AHI1: variants seen among roughly 807,000 people sequenced by gnomAD.
AHI1 encodes jouberin.
Under a neutral mutation model 149.3 loss-of-function variants are expected in AHI1, and 123 were observed. The ratio of observed to expected loss-of-function variants is 0.82; its 90% CI spans 0.71 to 0.96. The LOEUF (loss-of-function observed/expected upper bound fraction) is 0.96. Among genes scored for constraint, AHI1 ranks in the 40% least tolerant of loss-of-function variants. The probability of loss-of-function intolerance (pLI) is 0.00; values close to 1 mark genes in which losing one functional copy is unlikely to be tolerated. For synonymous variants in AHI1, 475 were observed against 459.8 expected (o/e 1.03, Z -0.42); for missense variants, 1,439 against 1,422.7 (o/e 1.01, Z -0.18).
intron 24 of AHI1, among the ~76,000 whole-genome samples, chr6:135,355,688 C>G (rs931733511): frequency 3.9e-5 from 6 of 152,040 alleles, no homozygotes; most frequent in Admixed American, 6.5e-5. Context: ...ATCACGAGGT[C>G]AGGAGTTTGA....
chr6:135,344,572 C>T (rs553349334), intron 24 of AHI1, among the ~76,000 whole-genome samples: 1 of 151,934 alleles, frequency 6.6e-6, no homozygotes, highest in African/African-American at 2.4e-5. Flanking sequence ...AGCTATGTGA[C>T]CATATTTTCC....
intron 26 of AHI1, among the ~76,000 whole-genome samples, chr6:135,303,943 T>C (rs1388985784): frequency 1.3e-5 from 2 of 152,234 alleles, no homozygotes; most frequent in African/African-American, 2.4e-5. Flanking sequence ...GCTACAACTC[T>C]GTTTCCGGGA....
At chr6:135,291,144 GA>G (rs199915453) in intron 27 of AHI1, among the ~76,000 whole-genome samples, 8 of 149,420 alleles carry the variant, frequency 5.4e-5, no homozygotes, top group African/African-American at 1.2e-4. Context: ...CAAAAACAAT[GA>G]AAAAAAAAGG....
At chr6:135,396,930 T>A (rs2746438) in intron 22 of AHI1, among the ~76,000 whole-genome samples, 101,665 of 151,530 alleles carry the variant, frequency 0.67, 35,554 homozygotes, top group African/African-American at 0.88. Flanking sequence ...AAAAAATACC[T>A]GGAAAGTTAA....
chr6:135,347,641 TA>T (rs1053616106), intron 24 of AHI1, among the ~76,000 whole-genome samples: 2 of 152,212 alleles, frequency 1.3e-5, no homozygotes, highest in East Asian at 3.8e-4. Flanking sequence ...AGGTGCCCAA[TA>T]AATGTTAGGT....
Position 135,442,614 on chromosome 6 carries a change from G to A in AHI1, c.1880C>T (p.Ala627Val). ...FSHNGRILAA[A>V]CASRDGYPII... ...TGGATATCCATCCCGGCTGGCACAA[G>A]CTGCTGCTAATATTCTTCCATTGTG... is the stretch of plus-strand genomic sequence containing the variant. The change falls in exon 14 of 29, where the codon GCT (alanine) becomes GTT (valine). Residue 627 changes from alanine to valine, a missense_variant. Physicochemically the swap from Ala to Val is moderately conservative, Grantham distance 64 (BLOSUM62 0). Coordinates refer to ENST00000265602, the MANE Select transcript of AHI1 (RefSeq NM_001134831.2). The A allele has an allele frequency of 6.2e-7, 1 of 1,609,534 alleles. No individual in the cohort carries two copies. Among genetic ancestry groups the A allele is most frequent in the Non-Finnish European group, 8.5e-7 (1 of 1,177,628 alleles).
intron 10 of AHI1, among the ~76,000 whole-genome samples, chr6:135,454,269 C>A (rs1040210407): frequency 9.9e-5 from 15 of 151,956 alleles, no homozygotes; most frequent in African/African-American, 3.1e-4. Context: ...ATGTGTGGAA[C>A]TACAAATCTA....
intron 22 of AHI1, among the ~76,000 whole-genome samples, chr6:135,398,089 T>C: frequency 7.1e-6 from 1 of 140,096 alleles, no homozygotes; most frequent in Non-Finnish European, 1.5e-5. Flanking sequence ...TTGCAAATCA[T>C]GTATCTGTTG....
intron 5 of AHI1, among the ~76,000 whole-genome samples, chr6:135,489,521 G>T (rs910299610): frequency 6.6e-6 from 1 of 152,070 alleles, no homozygotes; most frequent in African/African-American, 2.4e-5. Flanking sequence ...CTCCATCTGA[G>T]GGGAGCGCAT....
intron 20 of AHI1, among the ~76,000 whole-genome samples, chr6:135,421,579 C>T (rs985884335): frequency 1.3e-5 from 2 of 151,954 alleles, no homozygotes; most frequent in Admixed American, 1.3e-4. Flanking sequence ...AGAATGCCAG[C>T]GCTCTCTTAC....
intron 24 of AHI1, among the ~76,000 whole-genome samples, chr6:135,324,194 A>T (rs1390328547): frequency 6.6e-6 from 1 of 152,126 alleles, no homozygotes; most frequent in Non-Finnish European, 1.5e-5. Flanking sequence ...TGGCTGTGGT[A>T]GTGTGTGCCT....
At chr6:135,317,323 T>C (rs1026714950) in intron 26 of AHI1, among the ~76,000 whole-genome samples, 4 of 151,792 alleles carry the variant, frequency 2.6e-5, no homozygotes, top group Admixed American at 6.6e-5. Context: ...TTCTGTGGCC[T>C]GGTTCCTGGA....
At chr6:135,399,881 G>T (rs1277673891) in intron 22 of AHI1, among the ~76,000 whole-genome samples, 3 of 151,430 alleles carry the variant, frequency 2.0e-5, no homozygotes, top group African/African-American at 7.3e-5. Flanking sequence ...CTTCCAAATA[G>T]TGCCAACATA....
intron 20 of AHI1, among the ~76,000 whole-genome samples, chr6:135,416,840 G>A (rs1782454124): frequency 6.6e-6 from 1 of 152,010 alleles, no homozygotes; most frequent in Non-Finnish European, 1.5e-5. Context: ...ATATTATCAA[G>A]GGAGAGGACC....
At chr6:135,306,255 G>A (rs1012253348) in intron 26 of AHI1, among the ~76,000 whole-genome samples, 1 of 152,176 alleles carries the variant, frequency 6.6e-6, no homozygotes, top group Non-Finnish European at 1.5e-5. Flanking sequence ...CCAGAAGAAT[G>A]TGAGAAAGGA....
At chr6:135,297,782 T>A (rs1783320210) in intron 27 of AHI1, among the ~76,000 whole-genome samples, 1 of 151,570 alleles carries the variant, frequency 6.6e-6, no homozygotes. Flanking sequence ...GAAAAAAAAA[T>A]GTGGACTATA....
intron 20 of AHI1, among the ~76,000 whole-genome samples, chr6:135,418,202 T>C (rs1174757134): frequency 6.6e-6 from 1 of 152,190 alleles, no homozygotes; most frequent in East Asian, 1.9e-4. Context: ...ATTCTGGGAA[T>C]ACAGACACTG....
intron 23 of AHI1, 191 bp downstream of exon 23, chr6:135,394,585 T>C: frequency 2.9e-6 from 2 of 700,726 alleles, no homozygotes; most frequent in East Asian, 3.0e-5. Flanking sequence ...GTGTATCTAC[T>C]GTTACCAATT....
At chr6:135,347,469 T>C (rs1214990259) in intron 24 of AHI1, among the ~76,000 whole-genome samples, 3 of 152,226 alleles carry the variant, frequency 2.0e-5, no homozygotes, top group Admixed American at 6.5e-5. Flanking sequence ...TTTTGGCTCA[T>C]TTATCATAAT....
Sources: gnomAD v4.1 joint callset for allele counts (sites outside exome capture counted in the v4.1 genomes callset) on GRCh38, gnomAD v4.1.1 for gene constraint, MANE v1.5 for transcripts, NCBI Gene and HGNC (gene_info 2026-07-23, HGNC 2026-07-21) for gene names.